RNF150: variants seen among roughly 807,000 people sequenced by gnomAD.
The protein encoded by RNF150 is ring finger protein 150.
RNF150 carries 24 observed loss-of-function variants against 39.3 expected under a neutral mutation model. The observed-to-expected ratio is 0.61, with a 90% CI of 0.44 to 0.86. RNF150 has a LOEUF of 0.86. Among genes scored for constraint, RNF150 ranks in the 40% least tolerant of loss-of-function variants. The pLI is 0.00. For missense variants in RNF150, 502 were observed against 587.8 expected (o/e 0.85, Z 1.51); for synonymous variants, 255 against 227.3 (o/e 1.12, Z -1.10).
chr4:141,165,452 T>C (rs1727584151), intron 1 of RNF150, among the ~76,000 whole-genome samples: 2 of 152,204 alleles, frequency 1.3e-5, no homozygotes, highest in African/African-American at 4.8e-5. Context: ...GCAGACCTAA[T>C]AGACATCTAC....
chr4:141,124,913 A>G (rs1221945149), intron 1 of RNF150, among the ~76,000 whole-genome samples: 2 of 152,256 alleles, frequency 1.3e-5, no homozygotes, highest in Non-Finnish European at 1.5e-5. Context: ...ATATATGTTC[A>G]CAAATTGAAT....
rs1169951412 is a variant in RNF150, at chr4:140,863,914, A to T, written c.*4347T>A. On this transcript the variant is annotated 3_prime_UTR_variant, in exon 7 of 7. Coordinates refer to ENST00000515673, the MANE Select transcript of RNF150 (RefSeq NM_020724.2). ...TTTTTTATGCTCTGCAAAAATATCC[A>T]TCTAAACAAAACTCATAAATAAGAA... 6.6e-6 allele frequency: 1 copy of T among 151,954 alleles called. No individual in the cohort carries two copies. The highest frequency in any genetic ancestry group is 2.0e-4 in the East Asian group (1 of 5,070). 9.4% of individuals were successfully genotyped at this position (151,954 alleles called of 1,614,324 possible).
intron 2 of RNF150, among the ~76,000 whole-genome samples, chr4:140,957,782 C>G (rs1443785975): frequency 1.3e-5 from 2 of 151,700 alleles, no homozygotes; most frequent in East Asian, 1.9e-4. Flanking sequence ...TCATCATTCT[C>G]AGTAAACTAT....
At chr4:141,141,553 G>A (rs1727117728) in intron 1 of RNF150, among the ~76,000 whole-genome samples, 1 of 152,196 alleles carries the variant, frequency 6.6e-6, no homozygotes, top group South Asian at 2.1e-4. Flanking sequence ...TGTAATTCCA[G>A]CACTTTGGGA....
intron 1 of RNF150, among the ~76,000 whole-genome samples, chr4:141,032,035 T>TATATATATAAACATATATATACACACAC (rs1560699274): frequency 6.6e-6 from 1 of 151,646 alleles, no homozygotes; most frequent in Non-Finnish European, 1.5e-5. Flanking sequence ...TATACACACA[T>TATATATATAAACATATATATACACACAC]ATATATATAA....
intron 1 of RNF150, among the ~76,000 whole-genome samples, chr4:141,197,160 A>C (rs1314528335): frequency 6.6e-6 from 1 of 152,166 alleles, no homozygotes; most frequent in African/African-American, 2.4e-5. Flanking sequence ...ATTTTATTAC[A>C]AATAATTAAT....
intron 1 of RNF150, among the ~76,000 whole-genome samples, chr4:141,166,366 G>C (rs1727601455): frequency 6.6e-6 from 1 of 152,202 alleles, no homozygotes; most frequent in South Asian, 2.1e-4. Context: ...AATTCTACCA[G>C]AGGTACAAAG....
At position 141,210,188 on chromosome 4, in the gene RNF150, T is replaced by C. The variant is rs79091379; in HGVS notation, c.-6+2606A>G. On this transcript the variant is annotated intron_variant, in intron 1 of 7. Coordinates refer to the RNF150 transcript ENST00000420921. ...TGTATTTGATGATCTTTTATTGTGA[T>C]CTCTCATGCTTGGCTGGTTTTAATC... 1.7e-3 allele frequency among the ~76,000 whole-genome samples: 262 copies of C among 152,306 alleles called. 2 individuals carry two copies. Among genetic ancestry groups the C allele is most frequent in the African/African-American group, 6.2e-3 (256 of 41,550 alleles).
chr4:141,168,337 A>G (rs943905072), intron 1 of RNF150, among the ~76,000 whole-genome samples: 9 of 152,240 alleles, frequency 5.9e-5, no homozygotes, highest in African/African-American at 2.2e-4. Flanking sequence ...ACGCTTTTAC[A>G]CCATTGGTGG....
intron 1 of RNF150, among the ~76,000 whole-genome samples, chr4:141,019,450 T>A (rs1261824012): frequency 6.6e-6 from 1 of 152,144 alleles, no homozygotes; most frequent in Non-Finnish European, 1.5e-5. Context: ...TTAATTCTTA[T>A]TAGATGGGGA....
chr4:141,198,528 C>T lies in RNF150; in HGVS notation c.-6+14266G>A, dbSNP rs1044190678. On this transcript the variant is annotated intron_variant, in intron 1 of 7. Transcript: ENST00000420921. ...TGACCTAAAAGGTGAACATATGATTCCTGCCTTCAAGGAGCTTGAGAAAGT... is the reference window on the plus strand; with the variant it reads ...TGACCTAAAAGGTGAACATATGATTTCTGCCTTCAAGGAGCTTGAGAAAGT... 2.6e-5 allele frequency among the ~76,000 whole-genome samples: 4 copies of T among 152,254 alleles called. No individual in the cohort carries two copies. The East Asian group carries it at 7.7e-4, about 29-fold the overall frequency.
At chr4:140,880,554 T>C (rs1729334572) in intron 6 of RNF150, among the ~76,000 whole-genome samples, 1 of 151,994 alleles carries the variant, frequency 6.6e-6, no homozygotes, top group Admixed American at 6.5e-5. Flanking sequence ...AGTCTTTTTT[T>C]TTTTTGGAAG....
At chr4:140,922,873 G>C (rs2111311928) in intron 5 of RNF150, among the ~76,000 whole-genome samples, 1 of 150,920 alleles carries the variant, frequency 6.6e-6, no homozygotes, top group African/African-American at 2.5e-5. Context: ...ATGGGGAAAG[G>C]ATTCCCTATT....
chr4:141,159,451 T>G (rs1354035512), intron 1 of RNF150, among the ~76,000 whole-genome samples: 1 of 152,196 alleles, frequency 6.6e-6, no homozygotes, highest in Non-Finnish European at 1.5e-5. Flanking sequence ...GCTCACAATC[T>G]CTACCAAAAC....
At position 141,086,993 on chromosome 4, in the gene RNF150, A is replaced by T. The variant is rs998416936; in HGVS notation, c.484+45332T>A. ...CTATTGCTTTTTATTTTTATTAAAA[A>T]TTTTTTATTTTAGGCTTGGAGGTAC... On this transcript the variant is annotated intron_variant, in intron 1 of 6. Transcript: ENST00000515673. 7.0e-4 allele frequency among the ~76,000 whole-genome samples: 106 copies of T among 152,108 alleles called. 1 individual carries two copies. The highest frequency in any genetic ancestry group is 2.3e-3 in the African/African-American group (95 of 41,506).
chr4:141,164,323 G>A (rs764025417), intron 1 of RNF150, among the ~76,000 whole-genome samples: 3 of 152,012 alleles, frequency 2.0e-5, no homozygotes, highest in South Asian at 2.1e-4. Flanking sequence ...CCAAACCTAC[G>A]TTTGACTGGT....
chr4:140,927,064 A>G (rs1053113751), intron 4 of RNF150, among the ~76,000 whole-genome samples: 2 of 152,142 alleles, frequency 1.3e-5, no homozygotes. Flanking sequence ...TAGTTCCAAA[A>G]ACCTCATTTG....
intron 1 of RNF150, among the ~76,000 whole-genome samples, chr4:141,034,390 T>C (rs112621513): frequency 0.011 from 1,733 of 152,290 alleles, 41 homozygotes; most frequent in African/African-American, 0.04. Flanking sequence ...GCTGGTTTAA[T>C]CTTCTACCTA....
chr4:140,921,136 T>C (rs1053810942), intron 5 of RNF150, among the ~76,000 whole-genome samples: 32 of 148,726 alleles, frequency 2.2e-4, no homozygotes, highest in Admixed American at 1.4e-4. Context: ...CATATGTAAC[T>C]AACCCGCACA....
Sources: gnomAD v4.1 joint callset for allele counts (sites outside exome capture counted in the v4.1 genomes callset) on GRCh38, gnomAD v4.1.1 for gene constraint, MANE v1.5 for transcripts, NCBI Gene and HGNC (gene_info 2026-07-23, HGNC 2026-07-21) for gene names.